Variants in CMIP observed in about 807,000 individuals in gnomAD.
CMIP encodes c-Maf inducing protein.
Under a neutral mutation model 97.3 loss-of-function variants are expected in CMIP, and 13 were observed. The ratio of observed to expected loss-of-function variants is 0.13; its 90% CI spans 0.09 to 0.21. The LOEUF (loss-of-function observed/expected upper bound fraction) is 0.21, where lower values mean the gene tolerates loss of function less well. CMIP is among the 10% of genes least tolerant of loss of function. CMIP has a pLI of 1.00. For missense variants in CMIP, 847 were observed against 1,024.9 expected (o/e 0.83, Z 2.37); for synonymous variants, 538 against 436.3 (o/e 1.23, Z -2.91).
intron 7 of CMIP, among the ~76,000 whole-genome samples, 182 bp from the exon 8 acceptor site, chr16:81,669,960 A>G (rs2092665935): frequency 6.6e-6 from 1 of 152,204 alleles, no homozygotes; most frequent in South Asian, 2.1e-4. Context: ...CGGGTGTCGC[A>G]GTGCTATTCT....
intron 2 of CMIP, among the ~76,000 whole-genome samples, chr16:81,609,133 C>T (rs373306508): frequency 6.6e-6 from 1 of 152,190 alleles, no homozygotes; most frequent in Non-Finnish European, 1.5e-5. Context: ...CACACTCTGC[C>T]CTCTACGCTT....
chr16:81,452,036 T>C (rs926758109), intron 1 of CMIP, among the ~76,000 whole-genome samples: 1 of 152,166 alleles, frequency 6.6e-6, no homozygotes, highest in Non-Finnish European at 1.5e-5. Flanking sequence ...TTGCTGTGTG[T>C]ATTGAGGCAA....
intron 1 of CMIP, among the ~76,000 whole-genome samples, chr16:81,466,737 G>T (rs1907229415): frequency 1.3e-5 from 2 of 152,164 alleles, no homozygotes; most frequent in Non-Finnish European, 2.9e-5. Context: ...ACCATGGGGG[G>T]CTTAGCACAG....
intron 10 of CMIP, among the ~76,000 whole-genome samples, chr16:81,680,784 A>G (rs906365053): frequency 6.6e-6 from 1 of 152,178 alleles, no homozygotes; most frequent in African/African-American, 2.4e-5. Flanking sequence ...TGGAGGTAGA[A>G]GCCTCCAGGC....
Position 81,449,678 on chromosome 16 carries a change from C to T in CMIP, c.300+4137C>T, listed in dbSNP as rs986655630. ...AGTAAACACACAGATTTCCCCCCCC[C>T]CCTTTCCATGCCATTTGTCATAGGA... On this transcript the variant is annotated intron_variant, in intron 1 of 20. Coordinates refer to ENST00000537098, the MANE Select transcript of CMIP (RefSeq NM_198390.3). 1.7e-4 allele frequency among the ~76,000 whole-genome samples: 26 copies of T among 151,994 alleles called. No individual in the cohort carries two copies. In the South Asian group the frequency reaches 5.4e-3, roughly 32 times the overall value.
At chr16:81,608,438 G>A (rs1453154119) in intron 2 of CMIP, among the ~76,000 whole-genome samples, 1 of 152,140 alleles carries the variant, frequency 6.6e-6, no homozygotes, top group East Asian at 1.9e-4. Flanking sequence ...TGACCCACCT[G>A]CAGCCCAAAG....
intron 1 of CMIP, among the ~76,000 whole-genome samples, chr16:81,500,256 GTCCTTCCTTCCTTCCGTCCTTCCT>G (rs2089574175): frequency 1.8e-5 from 2 of 109,682 alleles, no homozygotes; most frequent in African/African-American, 6.5e-5. Flanking sequence ...CCTTCCTTCC[GTCCTTCCTTCCTTCCGTCCTTCCT>G]TCCTTCCTTC....
chr16:81,539,014 A>G (rs1382443839), intron 1 of CMIP, among the ~76,000 whole-genome samples: 1 of 152,220 alleles, frequency 6.6e-6, no homozygotes, highest in African/African-American at 2.4e-5. Flanking sequence ...ATATTCATGC[A>G]CACAGAAAAT....
chr16:81,679,193 C>A lies in CMIP; in HGVS notation c.1388+565C>A, dbSNP rs143940204. Among the ~76,000 whole-genome samples the A allele has an allele frequency of 1.4e-3, 215 of 151,944 alleles. 1 individual carries two copies. Among genetic ancestry groups the A allele is most frequent in the African/African-American group, 4.8e-3 (197 of 41,388 alleles). On this transcript the variant is annotated intron_variant, in intron 10 of 20. Transcript: ENST00000537098. ...GGGTGCGACAGCACACGTGGTCTGC[C>A]GAGTGTGTGTGTTTATAGGAGAGAT...
chr16:81,487,377 G>T (rs1255105394), intron 1 of CMIP, among the ~76,000 whole-genome samples: 4 of 152,244 alleles, frequency 2.6e-5, no homozygotes, highest in African/African-American at 9.6e-5. Flanking sequence ...TCAGGGCCGA[G>T]TGGGGCTCTG....
chr16:81,603,471 C>T lies in CMIP; in HGVS notation c.301-4096C>T, dbSNP rs141784703. On this transcript the variant is annotated intron_variant, in intron 1 of 20. Transcript: ENST00000537098. The stretch of plus-strand genomic sequence containing the variant: ...GGATACCCCAGAGTTCTCACACATC[C>T]GCAGTCTGCTTCCCCAGCTGCTAGT... The T allele has an allele frequency of 1.5e-3, 702 of 454,458 alleles. 2 individuals carry two copies. The highest frequency in any genetic ancestry group is 0.015 in the Middle Eastern group (21 of 1,444). The allele number at this position is 454,458 out of a possible 1,614,324, so 28.2% of individuals were successfully genotyped here. A position where few individuals can be genotyped will look rare whatever the true frequency, so the allele number is the denominator to read the frequency against.
chr16:81,476,054 A>G (rs1567534367), intron 1 of CMIP: 1 of 723,284 alleles, frequency 1.4e-6, no homozygotes, highest in Non-Finnish European at 2.6e-6. Context: ...AGCAATAGTG[A>G]TCTTCTTGCT....
chr16:81,654,249 A>ATTATTG (rs2092459909), intron 4 of CMIP, among the ~76,000 whole-genome samples: 1 of 151,582 alleles, frequency 6.6e-6, no homozygotes, highest in African/African-American at 2.4e-5. Context: ...TATTATTATT[A>ATTATTG]TTATTAACAA....
rs148117665 is a variant in CMIP, at chr16:81,680,166, G to A, written c.1388+1538G>A. ...CCCTCAGCCTGCAGGGAGGCCACTC[G>A]GAAGCCCGGTGCCTGGGGTGTTGTC... is the stretch of plus-strand genomic sequence containing the variant. On this transcript the variant is annotated intron_variant, in intron 10 of 20. Transcript: ENST00000537098. 3.7e-3 allele frequency among the ~76,000 whole-genome samples: 571 copies of A among 152,338 alleles called. 3 individuals are homozygous for A. The highest frequency in any genetic ancestry group is 5.6e-3 in the South Asian group (27 of 4,832).
intron 1 of CMIP, among the ~76,000 whole-genome samples, chr16:81,547,719 TG>T (rs998456547): frequency 6.6e-6 from 1 of 152,058 alleles, no homozygotes; most frequent in African/African-American, 2.4e-5. Context: ...CTTCAGGAAA[TG>T]GCCCCTCTTC....
intron 6 of CMIP, among the ~76,000 whole-genome samples, chr16:81,662,724 C>T (rs2092560980): frequency 6.6e-6 from 1 of 152,164 alleles, no homozygotes; most frequent in Non-Finnish European, 1.5e-5. Context: ...GTGTGCAGGA[C>T]ACGAGGGAGG....
chr16:81,610,296 G>A (rs1365442506), intron 2 of CMIP: 3 of 985,522 alleles, frequency 3.0e-6, no homozygotes, highest in Non-Finnish European at 3.6e-6. Flanking sequence ...CTTCAGGACA[G>A]AGCTGCCGCC....
chr16:81,459,725 T>C (rs1906789283), intron 1 of CMIP, among the ~76,000 whole-genome samples: 1 of 152,332 alleles, frequency 6.6e-6, no homozygotes, highest in African/African-American at 2.4e-5. Context: ...GGGTGTGCTC[T>C]CTGGATTTTA....
At chr16:81,567,869 A>C (rs73596464) in intron 1 of CMIP, among the ~76,000 whole-genome samples, 42 of 152,266 alleles carry the variant, frequency 2.8e-4, no homozygotes, top group African/African-American at 8.2e-4. Flanking sequence ...GGTGCTTGAT[A>C]AATAGTTGTT....
Sources: gnomAD v4.1 joint callset for allele counts (sites outside exome capture counted in the v4.1 genomes callset) on GRCh38, gnomAD v4.1.1 for gene constraint, MANE v1.5 for transcripts, NCBI Gene and HGNC (gene_info 2026-07-23, HGNC 2026-07-21) for gene names.